NSDHL: variants seen among roughly 807,000 people sequenced by gnomAD.
NSDHL encodes sterol-4-alpha-carboxylate 3-dehydrogenase, decarboxylating.
In NSDHL, 1 loss-of-function variant was observed where a neutral mutation model predicts 23.0. The ratio of observed to expected loss-of-function variants is 0.04; its 90% CI spans 0.02 to 0.21. The LOEUF (loss-of-function observed/expected upper bound fraction) is 0.21, where lower values mean the gene tolerates loss of function less well. Ranked by LOEUF, NSDHL falls within the 10% of genes least tolerant of loss-of-function variation. NSDHL has a pLI of 1.00. For synonymous variants in NSDHL, 128 were observed against 121.1 expected, an observed-to-expected ratio of 1.06 and a Z score of -0.37; for missense variants, 237 against 300.9, an observed-to-expected ratio of 0.79 and a Z score of 1.57.
At chrX:152,839,664 A>T (rs1345390617) in intron 1 of NSDHL, among the ~76,000 whole-genome samples, 1 of 112,425 alleles carries the variant, frequency 8.9e-6, no homozygotes, top group East Asian at 2.8e-4. Context: ...CTGCCGAGGG[A>T]TCTGCTGTTA....
At position 152,868,786 on chromosome X, in the gene NSDHL, A is replaced by G. The variant is rs1556848440; in HGVS notation, c.792A>G (p.Ala264=). Residue 264 remains alanine (A), a splice_region_variant and synonymous_variant, in exon 8 of 8, where the codon GCA becomes GCG. Transcript: ENST00000370274. ...LSRDSTLGGK[A]FHITNDEPIP... ...TCTTGTTCTTGTTCTCCCGCCAGGCATTTCACATCACCAATGATGAGCCCA... is the reference window on the plus strand; with the variant it reads ...TCTTGTTCTTGTTCTCCCGCCAGGCGTTTCACATCACCAATGATGAGCCCA... 8.3e-7 allele frequency: 1 copy of G among 1,208,998 alleles called. No homozygotes were observed. Among genetic ancestry groups the G allele is most frequent in the Admixed American group, 2.2e-5 (1 of 46,078 alleles).
At chrX:152,860,227 G>A (rs1167025088) in intron 4 of NSDHL, among the ~76,000 whole-genome samples, 1 of 112,108 alleles carries the variant, frequency 8.9e-6, no homozygotes, top group African/African-American at 3.2e-5. Flanking sequence ...GCTTTGCCCT[G>A]CTGAAGTTTT....
chrX:152,840,561 A>C (rs150126560), intron 1 of NSDHL, among the ~76,000 whole-genome samples: 3,021 of 111,831 alleles, frequency 0.027, 97 homozygotes, highest in African/African-American at 0.093. Context: ...CAGTCAGGTC[A>C]CTCAGCTGCA....
At chrX:152,836,733 G>A (rs1396186183) in intron 1 of NSDHL, among the ~76,000 whole-genome samples, 1 of 112,091 alleles carries the variant, frequency 8.9e-6, no homozygotes, top group Non-Finnish European at 1.9e-5. Context: ...AAGTCAAGTA[G>A]TATGATGCCT....
intron 3 of NSDHL, among the ~76,000 whole-genome samples, chrX:152,857,978 G>A (rs1933468792): frequency 8.9e-6 from 1 of 112,345 alleles, no homozygotes; most frequent in Non-Finnish European, 1.9e-5. Flanking sequence ...ACTTAATTAA[G>A]GTTTGACAAA....
At chrX:152,835,064 T>A (rs1556843899) in intron 1 of NSDHL, among the ~76,000 whole-genome samples, 1 of 111,880 alleles carries the variant, frequency 8.9e-6, no homozygotes, top group Non-Finnish European at 1.9e-5. Flanking sequence ...TCCTTTTCCC[T>A]CCAGGAAATG....
intron 7 of NSDHL, 97 bp from the exon 8 acceptor site, chrX:152,868,687 G>A: frequency 4.2e-6 from 3 of 709,462 alleles, no homozygotes; most frequent in South Asian, 2.1e-5. Context: ...GCAGCAATTA[G>A]GCAGTGAGAA....
intron 1 of NSDHL, among the ~76,000 whole-genome samples, chrX:152,839,102 C>G (rs1472842858): frequency 4.5e-5 from 5 of 111,869 alleles, no homozygotes; most frequent in African/African-American, 1.6e-4. Context: ...TCTGTTTTAT[C>G]AAAGACTAGG....
rs1434862392 is a variant in NSDHL at position 152,869,325 on chromosome X, A to G, written c.*209A>G. ...CATGGAACTGGATTTGGATTTCTTG[A>G]AGCAGGCAGCTTCATATTATACCGA... On this transcript the variant is annotated 3_prime_UTR_variant, in exon 8 of 8. Transcript: ENST00000370274. 4 of 463,249 alleles carry G rather than the reference A, an allele frequency of 8.6e-6. No homozygotes were observed. Among genetic ancestry groups the G allele is most frequent in the South Asian group, 5.9e-5 (2 of 33,722 alleles). The allele number at this position is 463,249 out of a possible 1,213,427, so 38.2% of individuals were successfully genotyped here. A position where few individuals can be genotyped will look rare whatever the true frequency, so the allele number is the denominator to read the frequency against.
At chrX:152,866,032 G>A in intron 6 of NSDHL, 71 bp downstream of exon 6, 5 of 1,086,073 alleles carry the variant, frequency 4.6e-6, no homozygotes, top group Non-Finnish European at 5.1e-6. Context: ...GCACTTGGCA[G>A]GAGCCACATG....
In NSDHL at chrX:152,859,019, G is replaced by A. The variant is rs781846334; in HGVS notation, c.414+103G>A. On this transcript the variant is annotated intron_variant, in intron 4 of 7. Coordinates refer to ENST00000370274, the MANE Select transcript of NSDHL (RefSeq NM_015922.3). Reference sequence around the variant, plus strand: ...AGTCTCCCTGGGCCTAGGCGGGGTTGCTTCTTAAAGTGTTGGGAAGATCTT... The same window carrying A: ...AGTCTCCCTGGGCCTAGGCGGGGTTACTTCTTAAAGTGTTGGGAAGATCTT... The A allele has an allele frequency of 7.5e-6, 5 of 667,359 alleles. No homozygotes were observed. The African/African-American group carries it at 1.1e-4, about 15-fold the overall frequency. 55.0% of individuals were successfully genotyped at this position (667,359 alleles called of 1,213,427 possible). A position where few individuals can be genotyped will look rare whatever the true frequency, so the allele number is the denominator to read the frequency against.
At chrX:152,852,099 A>G (rs181412021) in intron 3 of NSDHL, among the ~76,000 whole-genome samples, 8 of 110,083 alleles carry the variant, frequency 7.3e-5, no homozygotes, top group African/African-American at 2.6e-4. Flanking sequence ...CACTGCCTTT[A>G]GTTCCCTGGT....
chrX:152,869,275 C>T lies in NSDHL; in HGVS notation c.*159C>T, dbSNP rs1294116566. The T allele has an allele frequency of 5.1e-5, 26 of 504,922 alleles. No individual in the cohort carries two copies. The highest frequency in any genetic ancestry group is 7.3e-5 in the Non-Finnish European group (21 of 287,395). 41.6% of individuals were successfully genotyped at this position (504,922 alleles called of 1,213,427 possible). A position where few individuals can be genotyped will look rare whatever the true frequency, so the allele number is the denominator to read the frequency against. On this transcript the variant is annotated 3_prime_UTR_variant, in exon 8 of 8. Transcript: ENST00000370274. ...CCTACTCTTTCCGTGACGATGAGGG[C>T]GGCAAAAACAGACATTTCTTCCTTC...
chrX:152,836,787 C>T (rs1419358714), intron 1 of NSDHL, among the ~76,000 whole-genome samples: 1 of 112,073 alleles, frequency 8.9e-6, no homozygotes, highest in Non-Finnish European at 1.9e-5. Flanking sequence ...GCTATGTGGG[C>T]TCTTTTTTGG....
At chrX:152,856,831 T>A (rs1351868845) in intron 3 of NSDHL, among the ~76,000 whole-genome samples, 1 of 112,637 alleles carries the variant, frequency 8.9e-6, no homozygotes, top group Non-Finnish European at 1.9e-5. Flanking sequence ...CCAAGACAGG[T>A]GGATCACCTG....
intron 7 of NSDHL, among the ~76,000 whole-genome samples, chrX:152,868,289 C>G (rs781981983): frequency 5.4e-5 from 6 of 110,460 alleles, no homozygotes; most frequent in Non-Finnish European, 1.1e-4. Flanking sequence ...AGGCACATGC[C>G]ACCACGCTCA....
intron 1 of NSDHL, among the ~76,000 whole-genome samples, chrX:152,840,735 G>A (rs1384148564): frequency 1.8e-5 from 2 of 112,392 alleles, no homozygotes; most frequent in Non-Finnish European, 3.8e-5. Context: ...CTACTGGGAG[G>A]TGTCTCCAGT....
intron 4 of NSDHL, among the ~76,000 whole-genome samples, chrX:152,859,393 A>C (rs111929088): frequency 1.2e-4 from 13 of 111,311 alleles, no homozygotes; most frequent in African/African-American, 3.6e-4. Flanking sequence ...GCCCTTCCCT[A>C]CCCAGCCCCT....
chrX:152,832,489 T>TA (rs1228889536), intron 1 of NSDHL, among the ~76,000 whole-genome samples: 1 of 111,736 alleles, frequency 8.9e-6, no homozygotes. Flanking sequence ...TCTACCAGGT[T>TA]AATCTTCGTA....
Sources: gnomAD v4.1 joint callset for allele counts (sites outside exome capture counted in the v4.1 genomes callset) on GRCh38, gnomAD v4.1.1 for gene constraint, MANE v1.5 for transcripts, NCBI Gene and HGNC (gene_info 2026-07-23, HGNC 2026-07-21) for gene names.